The following WDPCP variants were observed in gnomAD, a reference collection of about 807,000 sequenced individuals.
WDPCP encodes the protein WD repeat containing planar cell polarity effector, also known as WD repeat-containing and planar cell polarity effector protein fritz homolog.
WDPCP carries 71 observed loss-of-function variants against 93.1 expected under a neutral mutation model. The ratio of observed to expected loss-of-function variants is 0.76; its 90% CI spans 0.63 to 0.93. The LOEUF (loss-of-function observed/expected upper bound fraction) is 0.93, where lower values mean the gene tolerates loss of function less well. WDPCP is among the 40% of genes least tolerant of loss of function. The pLI is 0.00. For synonymous variants in WDPCP, 315 were observed against 315.0 expected, an observed-to-expected ratio of 1.00 and a Z score of 0.00; for missense variants, 844 against 887.4, an observed-to-expected ratio of 0.95 and a Z score of 0.62.
chr2:63,392,595 A>G (rs2105037989), intron 10 of WDPCP, among the ~76,000 whole-genome samples: 1 of 152,350 alleles, frequency 6.6e-6, no homozygotes, highest in East Asian at 1.9e-4. Flanking sequence ...TAGAGTGAAC[A>G]GGCAACCTAC....
chr2:63,787,882 A>G (rs1670491955), intron 2 of WDPCP, among the ~76,000 whole-genome samples: 1 of 151,948 alleles, frequency 6.6e-6, no homozygotes, highest in African/African-American at 2.4e-5. Context: ...TCTACTAAAA[A>G]TACAAAAAGG....
chr2:63,622,694 A>G, intron 3 of WDPCP: 1 of 1,613,818 alleles, frequency 6.2e-7, no homozygotes, highest in Non-Finnish European at 8.5e-7. Context: ...GTTTCTGGTC[A>G]GGGGTCACCT....
At chr2:63,359,408 A>C (rs1032344490) in intron 12 of WDPCP, among the ~76,000 whole-genome samples, 7 of 152,252 alleles carry the variant, frequency 4.6e-5, no homozygotes, top group African/African-American at 1.7e-4. Context: ...ACATAAGTAC[A>C]TGAAAAGATG....
chr2:63,339,861 G>A (rs1688711159), intron 12 of WDPCP, among the ~76,000 whole-genome samples: 1 of 152,098 alleles, frequency 6.6e-6, no homozygotes, highest in Non-Finnish European at 1.5e-5. Context: ...TTTGAGGTAT[G>A]TTCCTTCTAT....
intron 9 of WDPCP, among the ~76,000 whole-genome samples, chr2:63,407,524 C>A (rs1694682538): frequency 6.6e-6 from 1 of 152,134 alleles, no homozygotes; most frequent in African/African-American, 2.4e-5. Flanking sequence ...AAAACCTGCC[C>A]CACATTTTCC....
At chr2:63,824,659 A>C (rs1671085966) in intron 1 of WDPCP, among the ~76,000 whole-genome samples, 1 of 151,822 alleles carries the variant, frequency 6.6e-6, no homozygotes. Flanking sequence ...ATGCCAAATT[A>C]AAATATATTA....
chr2:63,228,617 G>A (rs540903901), intron 14 of WDPCP: 17 of 150,146 alleles, frequency 1.1e-4, no homozygotes, highest in African/African-American at 4.1e-4. Context: ...GGTGTGTGAT[G>A]TTCCCCTTCT....
chr2:63,595,617 C>G, intron 3 of WDPCP: 1 of 726,722 alleles, frequency 1.4e-6, no homozygotes, highest in Non-Finnish European at 2.4e-6. Context: ...GAAATTATTT[C>G]ATAAGAGGAT....
intron 2 of WDPCP, among the ~76,000 whole-genome samples, chr2:63,788,552 T>C (rs1407520722): frequency 6.6e-6 from 1 of 152,216 alleles, no homozygotes; most frequent in Non-Finnish European, 1.5e-5. Flanking sequence ...TAATGCTAAA[T>C]ACATACTTAG....
chr2:63,653,001 C>T (rs938685804), intron 2 of WDPCP, among the ~76,000 whole-genome samples: 1 of 134,050 alleles, frequency 7.5e-6, no homozygotes, highest in South Asian at 2.7e-4. Flanking sequence ...CAGTGCAGTA[C>T]TATGATGTTC....
Position 63,701,824 on chromosome 2 carries a change from T to C in WDPCP, n.309-50986A>G, listed in dbSNP as rs1369338961. Among the ~76,000 whole-genome samples, 3 of 152,132 alleles carry C rather than the reference T, an allele frequency of 2.0e-5. No individual in the cohort carries two copies. In the East Asian group the frequency reaches 5.8e-4, roughly 29 times the overall value. ...TGACTATCATGAAATAGAGAACAGA[T>C]TGGTGGTTACCACAGGCACCAGAAA... On this transcript the variant is annotated intron_variant and non_coding_transcript_variant, in intron 2 of 4. Coordinates refer to the WDPCP transcript ENST00000467687.
At chr2:63,652,606 G>A (rs1710121126) in intron 2 of WDPCP, among the ~76,000 whole-genome samples, 2 of 152,158 alleles carry the variant, frequency 1.3e-5, no homozygotes, top group Admixed American at 6.5e-5. Flanking sequence ...TTCTGCTAAG[G>A]CTTGATCACT....
chr2:63,702,273 G>A (rs1669066017), intron 2 of WDPCP, among the ~76,000 whole-genome samples: 1 of 152,124 alleles, frequency 6.6e-6, no homozygotes, highest in South Asian at 2.1e-4. Flanking sequence ...TGATCCGCCT[G>A]CTTCGGCCTC....
chr2:63,718,500 G>A (rs373855765), intron 2 of WDPCP, among the ~76,000 whole-genome samples: 1 of 152,122 alleles, frequency 6.6e-6, no homozygotes, highest in Admixed American at 6.5e-5. Context: ...TTTCTCTGAT[G>A]ATTAGTGACG....
At chr2:63,778,735 T>C (rs1216999973) in intron 2 of WDPCP, among the ~76,000 whole-genome samples, 1 of 152,172 alleles carries the variant, frequency 6.6e-6, no homozygotes, top group Non-Finnish European at 1.5e-5. Context: ...TTTTAAAAAC[T>C]CTATGCTCTC....
Position 63,386,820 on chromosome 2 carries a change from C to A in WDPCP, c.1436-4726G>T, listed in dbSNP as rs559518779. Reference sequence around the variant, plus strand: ...GTGAAAGGATTAAAAAACTGTGGCACAGAAATACAAAAAAAAACCCTCAGA... The same window carrying A: ...GTGAAAGGATTAAAAAACTGTGGCAAAGAAATACAAAAAAAAACCCTCAGA... On this transcript the variant is annotated intron_variant, in intron 10 of 17. Coordinates refer to ENST00000272321, the MANE Select transcript of WDPCP (RefSeq NM_015910.7). Among the ~76,000 whole-genome samples the A allele has an allele frequency of 7.9e-5, 12 of 151,778 alleles. No individual in the cohort carries two copies. In the South Asian group the frequency reaches 2.5e-3, roughly 32 times the overall value.
At chr2:63,834,933 T>A in the WDPCP span, among the ~76,000 whole-genome samples, 1 of 152,204 alleles carries the variant, frequency 6.6e-6, no homozygotes, top group Non-Finnish European at 1.5e-5. Flanking sequence ...GATCCAACAA[T>A]GCATGCATGT....
chr2:63,650,287 T>C (rs538725026), intron 3 of WDPCP, among the ~76,000 whole-genome samples: 2 of 152,320 alleles, frequency 1.3e-5, no homozygotes, highest in Admixed American at 1.3e-4. Context: ...CAGGACACTG[T>C]TGGGGCCTGA....
chr2:63,204,060 G>T (rs1676131098), intron 14 of WDPCP, among the ~76,000 whole-genome samples: 1 of 152,144 alleles, frequency 6.6e-6, no homozygotes, highest in African/African-American at 2.4e-5. Flanking sequence ...CTTTTGAGTA[G>T]ATACCCAGCA....
Sources: allele counts gnomAD v4.1 joint callset (sites outside exome capture counted in the v4.1 genomes callset), GRCh38; gene constraint gnomAD v4.1.1; transcripts MANE v1.5; gene names NCBI Gene and HGNC (gene_info 2026-07-23, HGNC 2026-07-21).